Variants in ITGA11 observed in about 807,000 individuals in gnomAD.
ITGA11 encodes integrin alpha-11.
A neutral mutation model predicts 141.9 loss-of-function variants in ITGA11; 97 were observed. That is an observed-to-expected ratio of 0.68 (90% CI 0.58 to 0.81). ITGA11 has a LOEUF of 0.81. ITGA11 is among the 30% of genes least tolerant of loss of function. The probability of loss-of-function intolerance (pLI) is 0.00; values close to 1 mark genes in which losing one functional copy is unlikely to be tolerated. For missense variants in ITGA11, 1,387 were observed against 1,559.2 expected, an observed-to-expected ratio of 0.89 and a Z score of 1.86; for synonymous variants, 658 against 624.6, an observed-to-expected ratio of 1.05 and a Z score of -0.80.
At chr15:68,383,364 G>A (rs1268326542) in intron 2 of ITGA11, among the ~76,000 whole-genome samples, 1 of 152,112 alleles carries the variant, frequency 6.6e-6, no homozygotes, top group Non-Finnish European at 1.5e-5. Context: ...TTTTATCCAA[G>A]CCTGCAGAAA....
rs551016093 is a variant in ITGA11, at chr15:68,369,347, G to C, written c.165-63C>G. 15 of 1,090,614 alleles carry C rather than the reference G, an allele frequency of 1.4e-5. No homozygotes were observed. In the African/African-American group the frequency reaches 2.3e-4, roughly 17 times the overall value. 67.6% of individuals were successfully genotyped at this position (1,090,614 alleles called of 1,614,324 possible). ...AGGTACTCTTTCCTGGCAGAGGATG[G>C]AGCCTGGTGGGCAGTGTGGAGGTGA... On this transcript the variant is annotated intron_variant, in intron 2 of 29. Coordinates refer to ENST00000315757, the MANE Select transcript of ITGA11 (RefSeq NM_001004439.2).
intron 1 of ITGA11, among the ~76,000 whole-genome samples, chr15:68,413,675 C>T (rs754168797): frequency 1.1e-4 from 16 of 152,150 alleles, no homozygotes; most frequent in Non-Finnish European, 2.1e-4. Flanking sequence ...TTTGTAACAT[C>T]GAAGACCCAC....
intron 23 of ITGA11, 62 bp from the exon 24 acceptor site, chr15:68,312,925 A>C: frequency 1.6e-6 from 2 of 1,232,128 alleles, no homozygotes; most frequent in South Asian, 1.2e-5. Context: ...TGGACAGATG[A>C]ATGAAAGAGG....
intron 2 of ITGA11, among the ~76,000 whole-genome samples, chr15:68,371,550 C>T (rs1297162014): frequency 2.0e-5 from 3 of 152,046 alleles, no homozygotes; most frequent in African/African-American, 7.2e-5. Flanking sequence ...CCCGTCTGTA[C>T]TAAAAAATAC....
intron 2 of ITGA11, among the ~76,000 whole-genome samples, chr15:68,402,630 T>C (rs1896537577): frequency 6.6e-6 from 1 of 151,998 alleles, no homozygotes; most frequent in South Asian, 2.1e-4. Context: ...TAACAATTGG[T>C]CCCCAGGTGC....
chr15:68,396,521 A>G (rs375574322), intron 2 of ITGA11, among the ~76,000 whole-genome samples: 41 of 152,152 alleles, frequency 2.7e-4, no homozygotes, highest in African/African-American at 8.4e-4. Flanking sequence ...AGAAATAAGA[A>G]AAGAATGTTC....
chr15:68,323,008 G>A (rs900320288), intron 18 of ITGA11, among the ~76,000 whole-genome samples: 1 of 152,210 alleles, frequency 6.6e-6, no homozygotes, highest in Non-Finnish European at 1.5e-5. Flanking sequence ...TGTCACTACC[G>A]ACAACACAGC....
intron 1 of ITGA11, among the ~76,000 whole-genome samples, chr15:68,420,596 AG>A (rs1896993154): frequency 1.3e-5 from 2 of 152,118 alleles, no homozygotes; most frequent in African/African-American, 4.8e-5. Context: ...TGGGGTCGTA[AG>A]GAGGAGGATT....
At chr15:68,311,734 G>T (rs751741156) in intron 24 of ITGA11, among the ~76,000 whole-genome samples, 2 of 152,122 alleles carry the variant, frequency 1.3e-5, no homozygotes, top group Non-Finnish European at 2.9e-5. Flanking sequence ...TTGAGGCCAG[G>T]GGTGAAGATG....
Position 68,304,856 on chromosome 15 carries a change from C to G in ITGA11, c.3382-971G>C, listed in dbSNP as rs991972412. ...CAGCAGCAAAGTCTGTCCATTCTACCTTGGAAACACCTGGAATGTGGCCAC... is the reference window on the plus strand; with the variant it reads ...CAGCAGCAAAGTCTGTCCATTCTACGTTGGAAACACCTGGAATGTGGCCAC... On this transcript the variant is annotated intron_variant, in intron 28 of 29. Transcript: ENST00000315757. This position sits in a 1 kb window ranked among gnomAD's most constrained non-coding sequence, Gnocchi z 6.1. Among the ~76,000 whole-genome samples, 1 of 152,368 alleles carries G rather than the reference C, an allele frequency of 6.6e-6. No individual in the cohort carries two copies. Among genetic ancestry groups the G allele is most frequent in the Middle Eastern group, 3.4e-3 (1 of 294 alleles).
chr15:68,400,239 C>A (rs2140407013), intron 2 of ITGA11, among the ~76,000 whole-genome samples: 1 of 152,098 alleles, frequency 6.6e-6, no homozygotes, highest in South Asian at 2.1e-4. Context: ...AACCTCTGAC[C>A]TTTATCTCAC....
At chr15:68,337,145 C>T (rs753698814) in intron 11 of ITGA11, among the ~76,000 whole-genome samples, 5 of 152,124 alleles carry the variant, frequency 3.3e-5, no homozygotes, top group Admixed American at 6.5e-5. Flanking sequence ...GGCTTCTGGG[C>T]CTGCTTGGAA....
intron 12 of ITGA11, among the ~76,000 whole-genome samples, chr15:68,334,958 C>T (rs1167191515): frequency 6.6e-6 from 1 of 151,978 alleles, no homozygotes; most frequent in African/African-American, 2.4e-5. Context: ...TGGCGCTCTG[C>T]AGTGAGAGGG....
At chr15:68,428,788 C>A (rs1897202653) in intron 1 of ITGA11, among the ~76,000 whole-genome samples, 1 of 152,148 alleles carries the variant, frequency 6.6e-6, no homozygotes, top group Admixed American at 6.5e-5. Context: ...TGGTATGGGC[C>A]TTCTCCTTTT....
intron 23 of ITGA11, 47 bp downstream of exon 23, chr15:68,313,732 C>A (rs1334454664): frequency 6.8e-7 from 1 of 1,471,294 alleles, no homozygotes; most frequent in South Asian, 1.2e-5. Flanking sequence ...TCCCTCCTCC[C>A]ATTCCCCATG....
At position 68,432,078 on chromosome 15, in the gene ITGA11, C is replaced by A. The variant is rs200383608; in HGVS notation, c.-12G>T. On this transcript the variant is annotated 5_prime_UTR_variant, in exon 1 of 30. Transcript: ENST00000315757. Reference sequence around the variant, plus strand: ...CTGGGCAGGTCCATGGCCCGCGGCACGGCGGCTGGGTCCGGTGTGCAGCGG... The same window carrying A: ...CTGGGCAGGTCCATGGCCCGCGGCAAGGCGGCTGGGTCCGGTGTGCAGCGG... The A allele has an allele frequency of 1.0e-4, 141 of 1,367,462 alleles. 1 individual carries two copies. In the African/African-American group the frequency reaches 2.0e-3, roughly 19 times the overall value. 84.7% of individuals were successfully genotyped at this position (1,367,462 alleles called of 1,614,324 possible).
intron 11 of ITGA11, among the ~76,000 whole-genome samples, chr15:68,336,546 A>C (rs1016369978): frequency 1.3e-5 from 2 of 152,162 alleles, no homozygotes; most frequent in African/African-American, 4.8e-5. Context: ...GTGCCTGATC[A>C]CTGTGAATCT....
chr15:68,399,197 A>G (rs990690318), intron 2 of ITGA11, among the ~76,000 whole-genome samples: 11 of 152,228 alleles, frequency 7.2e-5, no homozygotes, highest in Middle Eastern at 3.4e-3. Context: ...GAAGACATAC[A>G]AGCCGCCAAG....
chr15:68,405,536 C>T (rs1381614156), intron 1 of ITGA11, among the ~76,000 whole-genome samples: 2 of 152,098 alleles, frequency 1.3e-5, no homozygotes. Context: ...TATATGAACC[C>T]GTTAGTGCTT....
Sources: gnomAD v4.1 joint callset for allele counts (sites outside exome capture counted in the v4.1 genomes callset) on GRCh38, gnomAD v4.1.1 for gene constraint, Gnocchi (gnomAD v3.1) non-coding constraint, MANE v1.5 for transcripts, NCBI Gene and HGNC (gene_info 2026-07-23, HGNC 2026-07-21) for gene names.